TCERG1L: variants seen among roughly 807,000 people sequenced by gnomAD.
TCERG1L encodes the protein transcription elongation regulator 1-like protein.
In TCERG1L, 37 loss-of-function variants were observed where a neutral mutation model predicts 56.3. The ratio of observed to expected loss-of-function variants is 0.66; its 90% CI spans 0.51 to 0.87. The LOEUF (loss-of-function observed/expected upper bound fraction) is 0.87. Among genes scored for constraint, TCERG1L ranks in the 40% least tolerant of loss-of-function variants. TCERG1L has a pLI of 0.00. For synonymous variants in TCERG1L, 324 were observed against 326.3 expected (o/e 0.99, Z 0.08); for missense variants, 799 against 774.2 (o/e 1.03, Z -0.38).
intron 3 of TCERG1L, among the ~76,000 whole-genome samples, chr10:131,276,238 C>A (rs115370326): frequency 6.6e-6 from 1 of 152,180 alleles, no homozygotes; most frequent in Non-Finnish European, 1.5e-5. Flanking sequence ...CAGTCCAGAG[C>A]GTCCATCTGT....
chr10:131,302,976 C>T (rs1162561142), intron 3 of TCERG1L, among the ~76,000 whole-genome samples: 5 of 152,000 alleles, frequency 3.3e-5, no homozygotes, highest in African/African-American at 1.2e-4. Flanking sequence ...TTTATGGCTG[C>T]ATAGTATTCC....
Position 131,186,867 on chromosome 10 carries a change from T to C in TCERG1L, c.857-19982A>G, listed in dbSNP as rs752485962. Among the ~76,000 whole-genome samples the C allele has an allele frequency of 6.6e-5, 10 of 152,356 alleles. No homozygotes were observed. In the East Asian group the frequency reaches 1.9e-3, roughly 29 times the overall value. ...GTTTTCTCCTCCCCAAGGAGGAAGA[T>C]AATGTCTCGATTTACCCCCACAGAA... On this transcript the variant is annotated intron_variant, in intron 4 of 11. Transcript: ENST00000368642.
chr10:131,241,844 C>G (rs1214559070), intron 4 of TCERG1L, among the ~76,000 whole-genome samples: 1 of 151,496 alleles, frequency 6.6e-6, no homozygotes, highest in Non-Finnish European at 1.5e-5. Flanking sequence ...ATTAGAAAAT[C>G]ACTGAACATC....
At chr10:131,093,711 C>T (rs1845210037) in intron 11 of TCERG1L, among the ~76,000 whole-genome samples, 1 of 152,210 alleles carries the variant, frequency 6.6e-6, no homozygotes, top group East Asian at 1.9e-4. Flanking sequence ...ACACTGTTCC[C>T]TCTGCCTGGT....
intron 4 of TCERG1L, among the ~76,000 whole-genome samples, chr10:131,215,160 C>G (rs901606751): frequency 6.6e-6 from 1 of 152,208 alleles, no homozygotes; most frequent in South Asian, 2.1e-4. Context: ...CTGGTCCTTA[C>G]CTGCCAATGA....
intron 8 of TCERG1L, among the ~76,000 whole-genome samples, chr10:131,117,713 G>A (rs1367003920): frequency 6.6e-6 from 1 of 152,216 alleles, no homozygotes; most frequent in African/African-American, 2.4e-5. Flanking sequence ...CACGGGCAGG[G>A]AGGCTGGACC....
At chr10:131,289,183 C>T (rs912049867) in intron 3 of TCERG1L, among the ~76,000 whole-genome samples, 9 of 150,502 alleles carry the variant, frequency 6.0e-5, no homozygotes, top group African/African-American at 2.0e-4. Flanking sequence ...TTAACACAGG[C>T]GTTTCTTTTC....
At chr10:131,170,077 G>T (rs554195938) in intron 4 of TCERG1L, among the ~76,000 whole-genome samples, 20 of 152,096 alleles carry the variant, frequency 1.3e-4, no homozygotes, top group African/African-American at 4.6e-4. Flanking sequence ...GAATACCTGC[G>T]ACAAATGTTT....
intron 4 of TCERG1L, among the ~76,000 whole-genome samples, chr10:131,198,844 C>T (rs1845395132): frequency 6.6e-6 from 1 of 152,216 alleles, no homozygotes; most frequent in South Asian, 2.1e-4. Context: ...GAAGCTTGTG[C>T]CTGCTCAGCT....
At chr10:131,206,013 T>G (rs1845520762) in intron 4 of TCERG1L, among the ~76,000 whole-genome samples, 1 of 152,138 alleles carries the variant, frequency 6.6e-6, no homozygotes, top group Non-Finnish European at 1.5e-5. Context: ...ACAGAGGTCT[T>G]ACTATAGCTC....
intron 4 of TCERG1L, among the ~76,000 whole-genome samples, chr10:131,251,371 G>C (rs937036054): frequency 1.3e-5 from 2 of 149,264 alleles, no homozygotes; most frequent in African/African-American, 5.0e-5. Context: ...CCTTCATTGC[G>C]AATCCTTGCA....
At chr10:131,124,463 C>A (rs1845545061) in intron 8 of TCERG1L, among the ~76,000 whole-genome samples, 1 of 152,168 alleles carries the variant, frequency 6.6e-6, no homozygotes, top group African/African-American at 2.4e-5. Flanking sequence ...TGCCACATTT[C>A]TGTGAGTCTT....
At chr10:131,127,083 C>G (rs746765235) in intron 8 of TCERG1L, among the ~76,000 whole-genome samples, 3 of 152,186 alleles carry the variant, frequency 2.0e-5, no homozygotes, top group African/African-American at 4.8e-5. Context: ...ACAGGCATCT[C>G]AGGACACAGG....
At chr10:131,105,165 C>G (rs1845340302) in intron 9 of TCERG1L, among the ~76,000 whole-genome samples, 1 of 152,214 alleles carries the variant, frequency 6.6e-6, no homozygotes, top group Non-Finnish European at 1.5e-5. Context: ...TGAGGTTTTC[C>G]TCGTAAATAG....
intron 3 of TCERG1L, among the ~76,000 whole-genome samples, chr10:131,297,967 G>T (rs1846716415): frequency 1.3e-5 from 2 of 151,898 alleles, no homozygotes; most frequent in Admixed American, 1.3e-4. Flanking sequence ...ATAGCCAGGG[G>T]TTTATAAATT....
Position 131,146,501 on chromosome 10 carries a change from G to A in TCERG1L, c.1189+5C>T, listed in dbSNP as rs1370440676. On this transcript the variant is annotated splice_donor_5th_base_variant and intron_variant, in intron 7 of 11. Coordinates refer to ENST00000368642, the MANE Select transcript of TCERG1L (RefSeq NM_174937.4). ...GGAGGTGTAAATAACCCAGGGCTTA[G>A]TTACTTGCTGGTGCCTCCAGCTTGC... is the stretch of plus-strand genomic sequence containing the variant. The A allele has an allele frequency of 6.2e-6, 10 of 1,606,236 alleles. No individual in the cohort carries two copies. The highest frequency in any genetic ancestry group is 7.7e-6 in the Non-Finnish European group (9 of 1,174,784).
chr10:131,126,955 C>T (rs1001058971), intron 8 of TCERG1L, among the ~76,000 whole-genome samples: 2 of 152,204 alleles, frequency 1.3e-5, no homozygotes, highest in South Asian at 2.1e-4. Context: ...GCATAGCTGA[C>T]GAGGCTGATT....
At chr10:131,272,477 C>T (rs1276586857) in intron 3 of TCERG1L, among the ~76,000 whole-genome samples, 1 of 152,176 alleles carries the variant, frequency 6.6e-6, no homozygotes, top group Non-Finnish European at 1.5e-5. Context: ...GCTCCACGGG[C>T]CCCTTTCATC....
intron 3 of TCERG1L, among the ~76,000 whole-genome samples, chr10:131,285,757 AC>A (rs1411762462): frequency 6.6e-6 from 1 of 152,030 alleles, no homozygotes; most frequent in African/African-American, 2.4e-5. Flanking sequence ...AATATCATAC[AC>A]CACAGTAACA....
Sources: allele counts gnomAD v4.1 joint callset (sites outside exome capture counted in the v4.1 genomes callset), GRCh38; gene constraint gnomAD v4.1.1; transcripts MANE v1.5; gene names NCBI Gene and HGNC (gene_info 2026-07-23, HGNC 2026-07-21).